PRPSAP2: variants seen among roughly 807,000 people sequenced by gnomAD.
PRPSAP2 encodes the protein phosphoribosyl pyrophosphate synthase-associated protein 2.
Under a neutral mutation model 40.6 loss-of-function variants are expected in PRPSAP2, and 24 were observed. That is an observed-to-expected ratio of 0.59 (90% confidence interval 0.43 to 0.83). PRPSAP2 has a LOEUF of 0.83. PRPSAP2 is among the 40% of genes least tolerant of loss of function. PRPSAP2 has a pLI of 0.00. For missense variants in PRPSAP2, 292 were observed against 465.6 expected (o/e 0.63, Z 3.43); for synonymous variants, 149 against 164.7 (o/e 0.90, Z 0.73).
chr17:18,889,800 C>G (rs775307402), intron 7 of PRPSAP2, 22 bp from the exon 8 acceptor site: 1 of 1,597,964 alleles, frequency 6.3e-7, no homozygotes, highest in Non-Finnish European at 8.5e-7. Flanking sequence ...TGCAGTAATA[C>G]CTGACTTCTT....
At chr17:18,867,953 C>T (rs1219629894) in intron 4 of PRPSAP2, among the ~76,000 whole-genome samples, 5 of 151,224 alleles carry the variant, frequency 3.3e-5, no homozygotes, top group East Asian at 2.0e-4. Flanking sequence ...CTGGGCAACA[C>T]GGCAAAACCC....
At chr17:18,860,024 G>A (rs868097908) in intron 1 of PRPSAP2, among the ~76,000 whole-genome samples, 92 of 150,288 alleles carry the variant, frequency 6.1e-4, no homozygotes, top group African/African-American at 1.8e-3. Context: ...GATTACAAGC[G>A]TGAGCCACCA....
At chr17:18,885,598 T>G (rs2039081852) in intron 7 of PRPSAP2, among the ~76,000 whole-genome samples, 1 of 151,884 alleles carries the variant, frequency 6.6e-6, no homozygotes. Context: ...GTTTTTTGTT[T>G]TTTTTTGAGA....
intron 8 of PRPSAP2, among the ~76,000 whole-genome samples, chr17:18,894,253 G>A (rs752998284): frequency 2.0e-5 from 3 of 151,644 alleles, no homozygotes; most frequent in Non-Finnish European, 2.9e-5. Flanking sequence ...TCCACCTCTC[G>A]GGTTCAAGTG....
chr17:18,869,836 TTTTTTTTGTG>T (rs2037719442), intron 4 of PRPSAP2, among the ~76,000 whole-genome samples: 2 of 141,270 alleles, frequency 1.4e-5, no homozygotes, highest in Non-Finnish European at 3.0e-5. Flanking sequence ...TTTTGCTACT[TTTTTTTTGTG>T]TGTGTGTGTG....
intron 8 of PRPSAP2, among the ~76,000 whole-genome samples, chr17:18,906,297 C>T (rs1050889118): frequency 6.6e-6 from 1 of 152,066 alleles, no homozygotes; most frequent in Non-Finnish European, 1.5e-5. Flanking sequence ...CTCAGTGCAG[C>T]CTTGACCTTC....
intron 7 of PRPSAP2, among the ~76,000 whole-genome samples, chr17:18,884,040 G>A (rs916915935): frequency 3.9e-5 from 6 of 151,960 alleles, no homozygotes; most frequent in African/African-American, 7.3e-5. Context: ...AGTCTGAGGC[G>A]GGTGGATCAC....
intron 10 of PRPSAP2, 70 bp downstream of exon 10, chr17:18,924,054 GA>G (rs2041839213): frequency 7.3e-7 from 1 of 1,370,428 alleles, no homozygotes; most frequent in Non-Finnish European, 1.0e-6. Flanking sequence ...TTGATTGATT[GA>G]TTTTATTACA....
rs60892883 is a variant in PRPSAP2, at chr17:18,914,249, C to CTTTTTTTTTTTTTTTTT, written c.733+3008_733+3024dup. ...GAGTTCTGTCCTGAACATGTTTTTGCTTTTTTTTTTTTTTTTTTTTTTTTT... is the reference window on the plus strand; with the variant it reads ...GAGTTCTGTCCTGAACATGTTTTTGCTTTTTTTTTTTTTTTTTTTTTTTTTTTTTTTTTTTTTTTTTT... On this transcript the variant is annotated intron_variant, in intron 9 of 11. Transcript: ENST00000268835. Among the ~76,000 whole-genome samples, 61 of 48,106 alleles carry CTTTTTTTTTTTTTTTTT rather than the reference C, an allele frequency of 1.3e-3. 8 individuals carry two copies. The highest frequency in any genetic ancestry group is 1.8e-3 in the East Asian group (3 of 1,678). 31.6% of individuals were successfully genotyped at this position (48,106 alleles called of 152,430 possible). A position where few individuals can be genotyped will look rare whatever the true frequency, so the allele number is the denominator to read the frequency against.
At chr17:18,888,912 G>A (rs2039358170) in intron 7 of PRPSAP2, among the ~76,000 whole-genome samples, 1 of 152,168 alleles carries the variant, frequency 6.6e-6, no homozygotes, top group Admixed American at 6.5e-5. Flanking sequence ...CAATAGACTT[G>A]TTTTTGTTAG....
At chr17:18,861,191 G>A (rs780049940) in intron 1 of PRPSAP2, among the ~76,000 whole-genome samples, 16 of 152,272 alleles carry the variant, frequency 1.1e-4, no homozygotes, top group South Asian at 2.1e-4. Flanking sequence ...ATGGCCGGGC[G>A]CAGTGGCTCA....
rs375362369 is a variant in PRPSAP2, at chr17:18,875,044, G to T, written c.239+2395G>T. 3.9e-4 allele frequency among the ~76,000 whole-genome samples: 60 copies of T among 152,128 alleles called. 1 individual carries two copies. In the South Asian group the frequency reaches 0.012, roughly 31 times the overall value. On this transcript the variant is annotated intron_variant, in intron 5 of 11. Coordinates refer to ENST00000268835, the MANE Select transcript of PRPSAP2 (RefSeq NM_002767.4). Reference sequence around the variant, plus strand: ...TCCTTCTCATTTTCAAGTCCTTCTGGTTGTTTATTTTTGTACATTTCAATA... The same window carrying T: ...TCCTTCTCATTTTCAAGTCCTTCTGTTTGTTTATTTTTGTACATTTCAATA...
At chr17:18,891,182 C>G (rs572180296) in intron 8 of PRPSAP2, among the ~76,000 whole-genome samples, 1 of 152,240 alleles carries the variant, frequency 6.6e-6, no homozygotes, top group South Asian at 2.1e-4. Context: ...ACCCTGGGCT[C>G]GTGGGCTGGC....
chr17:18,918,474 C>T (rs2041491678), intron 9 of PRPSAP2, among the ~76,000 whole-genome samples: 1 of 152,130 alleles, frequency 6.6e-6, no homozygotes, highest in Non-Finnish European at 1.5e-5. Context: ...ACCAGGAGGC[C>T]CCTGGAGGGA....
intron 9 of PRPSAP2, among the ~76,000 whole-genome samples, chr17:18,914,278 GAC>G (rs2041163460): frequency 1.6e-5 from 1 of 60,796 alleles, no homozygotes; most frequent in South Asian, 5.5e-4. Context: ...TTTTTTTTGA[GAC>G]AGAGTCTTGA....
intron 10 of PRPSAP2, among the ~76,000 whole-genome samples, chr17:18,926,773 TGTGA>T (rs995363253): frequency 4.8e-5 from 6 of 125,940 alleles, no homozygotes; most frequent in African/African-American, 1.8e-4. Context: ...ATGTAGTGAG[TGTGA>T]GTGTGTGTGT....
At chr17:18,872,482 C>T (rs1032056678) in intron 4 of PRPSAP2, 101 bp from the exon 5 acceptor site, 10 of 862,872 alleles carry the variant, frequency 1.2e-5, no homozygotes, top group Admixed American at 2.1e-5. Flanking sequence ...GTTTGAGTTG[C>T]CATATTCTAT....
At chr17:18,892,537 T>C (rs1356612275) in intron 8 of PRPSAP2, among the ~76,000 whole-genome samples, 1 of 151,832 alleles carries the variant, frequency 6.6e-6, no homozygotes, top group Non-Finnish European at 1.5e-5. Context: ...GGTGTGAAAT[T>C]CTACCTTATC....
intron 5 of PRPSAP2, 76 bp from the exon 6 acceptor site, chr17:18,877,622 C>T (rs1239660701): frequency 1.4e-6 from 2 of 1,397,384 alleles, no homozygotes; most frequent in South Asian, 1.4e-5. Context: ...ATGAGTAACA[C>T]ACTGCTGACA....
Sources: gnomAD v4.1 joint callset for allele counts (sites outside exome capture counted in the v4.1 genomes callset) on GRCh38, gnomAD v4.1.1 for gene constraint, MANE v1.5 for transcripts, NCBI Gene and HGNC (gene_info 2026-07-23, HGNC 2026-07-21) for gene names.